Variants in GREM2 observed in about 807,000 individuals in gnomAD.
The protein encoded by GREM2 is gremlin-2.
GREM2 carries 11 observed loss-of-function variants against 14.2 expected under a neutral mutation model. That is an observed-to-expected ratio of 0.78 (90% CI 0.49 to 1.28). The LOEUF is 1.28. GREM2 is among the 50% of genes most tolerant of loss of function. GREM2 has a pLI of 0.00. For missense variants in GREM2, 210 were observed against 218.5 expected (o/e 0.96, Z 0.24); for synonymous variants, 98 against 97.6 (o/e 1.00, Z -0.02).
chr1:240,520,633 C>T (rs891865838), intron 1 of GREM2, among the ~76,000 whole-genome samples: 19 of 151,998 alleles, frequency 1.3e-4, no homozygotes, highest in Non-Finnish European at 4.4e-5. Flanking sequence ...ACCTCTGCCT[C>T]CTGGGTTCAA....
chr1:240,601,510 A>T (rs1679923474), intron 1 of GREM2, among the ~76,000 whole-genome samples: 1 of 152,188 alleles, frequency 6.6e-6, no homozygotes, highest in African/African-American at 2.4e-5. Context: ...GAGGCTGTGT[A>T]AAGTTAGGAA....
chr1:240,579,108 C>T (rs1679432092), intron 1 of GREM2, among the ~76,000 whole-genome samples: 1 of 152,088 alleles, frequency 6.6e-6, no homozygotes, highest in Non-Finnish European at 1.5e-5. Flanking sequence ...AGATGAATTC[C>T]CCAGGCCACA....
chr1:240,565,660 A>G (rs1402795309), intron 1 of GREM2, among the ~76,000 whole-genome samples: 2 of 151,996 alleles, frequency 1.3e-5, no homozygotes, highest in Non-Finnish European at 2.9e-5. Context: ...CCTGGGTAAC[A>G]TGATGAAACC....
At chr1:240,527,493 A>C (rs2103310402) in intron 1 of GREM2, among the ~76,000 whole-genome samples, 1 of 152,350 alleles carries the variant, frequency 6.6e-6, no homozygotes. Context: ...GGAAGAAAAT[A>C]AAAACATTTT....
chr1:240,571,437 TA>T (rs1322390971), intron 1 of GREM2, among the ~76,000 whole-genome samples: 1 of 152,188 alleles, frequency 6.6e-6, no homozygotes, highest in Non-Finnish European at 1.5e-5. Context: ...CTCACGCCTG[TA>T]ATCCCAGCAC....
chr1:240,588,858 C>A (rs1216713510), intron 1 of GREM2: 1 of 152,102 alleles, frequency 6.6e-6, no homozygotes, highest in Admixed American at 6.6e-5. Context: ...AAACCTACAA[C>A]CCCAGAACTT....
At chr1:240,520,103 A>AAAATAAAATAAAATAAAAT (rs1678049125) in intron 1 of GREM2, among the ~76,000 whole-genome samples, 1 of 152,002 alleles carries the variant, frequency 6.6e-6, no homozygotes, top group Non-Finnish European at 1.5e-5. Context: ...AAAATAAAAT[A>AAAATAAAATAAAATAAAAT]AAATAAAATA....
intron 1 of GREM2, among the ~76,000 whole-genome samples, chr1:240,556,202 C>T (rs1678950554): frequency 6.6e-6 from 1 of 152,172 alleles, no homozygotes; most frequent in Non-Finnish European, 1.5e-5. Context: ...AAAGGGAGGC[C>T]ATGTGCTAAG....
chr1:240,531,398 T>C (rs1457676699), intron 1 of GREM2, among the ~76,000 whole-genome samples: 1 of 152,244 alleles, frequency 6.6e-6, no homozygotes, highest in Non-Finnish European at 1.5e-5. Context: ...GACAGAAACG[T>C]TGAAATTAAA....
chr1:240,603,401 G>T (rs1159454037), intron 1 of GREM2, among the ~76,000 whole-genome samples: 2 of 152,038 alleles, frequency 1.3e-5, no homozygotes, highest in Non-Finnish European at 2.9e-5. Context: ...TTTCTCTTGA[G>T]CCTAAAGAGC....
chr1:240,581,134 C>G lies in GREM2; in HGVS notation c.-2+30750G>C, dbSNP rs113748941. ...GCGTAGTGGTGCATGCCTGTAGTCC[C>G]AGCTACTTGGGAGGCTGAGGCAAGA... On this transcript the variant is annotated intron_variant, in intron 1 of 1. Coordinates refer to ENST00000318160, the MANE Select transcript of GREM2 (RefSeq NM_022469.4). 7.4e-3 allele frequency among the ~76,000 whole-genome samples: 1,123 copies of G among 151,960 alleles called. 11 individuals are homozygous for G. Among genetic ancestry groups the G allele is most frequent in the African/African-American group, 0.026 (1,074 of 41,420 alleles).
Position 240,602,585 on chromosome 1 carries a change from G to A in GREM2, c.-2+9299C>T, listed in dbSNP as rs562859261. On this transcript the variant is annotated intron_variant, in intron 1 of 1. Transcript: ENST00000318160. ...TGTAATCCCAGCACTTTGGGAGGCC[G>A]AGGCAGGAGGATCACGAGGTCAAGA... Among the ~76,000 whole-genome samples the A allele has an allele frequency of 7.9e-4, 120 of 152,264 alleles. No individual in the cohort carries two copies. In the Middle Eastern group the frequency reaches 0.01, roughly 13 times the overall value.
chr1:240,494,902 G>GA (rs970883933), intron 1 of GREM2, among the ~76,000 whole-genome samples: 22 of 150,700 alleles, frequency 1.5e-4, no homozygotes, highest in South Asian at 2.1e-4. Flanking sequence ...CTCCGGCTCA[G>GA]AAAAAAAAAT....
At chr1:240,525,326 G>A (rs1207393441) in intron 1 of GREM2, among the ~76,000 whole-genome samples, 1 of 152,110 alleles carries the variant, frequency 6.6e-6, no homozygotes, top group African/African-American at 2.4e-5. Flanking sequence ...CCCAAAGGAT[G>A]GATCTTAAGG....
At chr1:240,522,935 AC>A (rs1192983974) in intron 1 of GREM2, among the ~76,000 whole-genome samples, 3 of 152,236 alleles carry the variant, frequency 2.0e-5, no homozygotes, top group Non-Finnish European at 4.4e-5. Context: ...AAAAGATTCA[AC>A]AATGACTTTA....
chr1:240,513,343 G>A (rs531898185), intron 1 of GREM2, among the ~76,000 whole-genome samples: 6 of 152,238 alleles, frequency 3.9e-5, no homozygotes, highest in Admixed American at 2.0e-4. Context: ...TTGGGAGACC[G>A]AGGCGGGCGG....
chr1:240,503,315 T>G (rs902101741), intron 1 of GREM2, among the ~76,000 whole-genome samples: 3 of 152,190 alleles, frequency 2.0e-5, no homozygotes, highest in African/African-American at 4.8e-5. Flanking sequence ...CATTCCTCAC[T>G]TCTTAATCCC....
chr1:240,609,296 A>G (rs1224746544), intron 1 of GREM2, among the ~76,000 whole-genome samples: 1 of 152,064 alleles, frequency 6.6e-6, no homozygotes, highest in East Asian at 1.9e-4. Context: ...TGTGCTGGCC[A>G]CTTAAAGACA....
chr1:240,509,406 T>C (rs1677752820), intron 1 of GREM2, among the ~76,000 whole-genome samples: 1 of 146,534 alleles, frequency 6.8e-6, no homozygotes, highest in Non-Finnish European at 1.5e-5. Flanking sequence ...TTCACTCTTG[T>C]TGCCCAGGCT....
Sources: allele counts gnomAD v4.1 joint callset (sites outside exome capture counted in the v4.1 genomes callset), GRCh38; gene constraint gnomAD v4.1.1; transcripts MANE v1.5; gene names NCBI Gene and HGNC (gene_info 2026-07-23, HGNC 2026-07-21).